The following LRRC38 variants were observed in gnomAD, a reference collection of about 807,000 sequenced individuals.
LRRC38 encodes the protein leucine-rich repeat-containing protein 38.
A neutral mutation model predicts 16.4 loss-of-function variants in LRRC38; 5 were observed. The observed-to-expected ratio is 0.31, with a 90% CI of 0.16 to 0.64. The LOEUF is 0.64. Among genes scored for constraint, LRRC38 ranks in the 30% least tolerant of loss-of-function variants. LRRC38 has a pLI of 0.80. For synonymous variants in LRRC38, 191 were observed against 190.2 expected (o/e 1.00, Z -0.04); for missense variants, 341 against 401.8 (o/e 0.85, Z 1.29).
Position 13,513,035 on chromosome 1 carries a change from G to C in LRRC38, c.559C>G (p.Pro187Ala). ...ALRSLRLDGNPWLCDCDFAHL... is the reference protein window; with the variant it reads ...ALRSLRLDGNAWLCDCDFAHL... ...GCGAAGTCACAGTCGCACAGCCAGG[G>C]GTTCCCGTCCAGACGCAGGGAGCGC... The change falls in exon 1 of 2, where the codon CCC becomes GCC. Residue 187 changes from proline to alanine, a missense_variant. Physicochemically the swap from Pro to Ala is conservative, Grantham distance 27. Transcript: ENST00000376085. The C allele has an allele frequency of 6.5e-7, 1 of 1,549,862 alleles. No homozygotes were observed. Among genetic ancestry groups the C allele is most frequent in the South Asian group, 1.2e-5 (1 of 83,970 alleles).
intron 1 of LRRC38, 50 bp downstream of exon 1, chr1:13,512,913 C>T (rs2100531189): frequency 7.2e-7 from 1 of 1,386,474 alleles, no homozygotes; most frequent in Non-Finnish European, 9.8e-7. Context: ...CTGGGGTGGC[C>T]TCTCCCTGCC....
intron 1 of LRRC38, among the ~76,000 whole-genome samples, chr1:13,501,429 G>A (rs1388805389): frequency 6.6e-6 from 1 of 151,952 alleles, no homozygotes; most frequent in Non-Finnish European, 1.5e-5. Flanking sequence ...TTTATTTTGA[G>A]ACGGAATCTC....
At chr1:13,504,890 G>A (rs75661221) in intron 1 of LRRC38, among the ~76,000 whole-genome samples, 5,454 of 151,848 alleles carry the variant, frequency 0.036, 153 homozygotes, top group East Asian at 0.13. Context: ...GAGAAACAAA[G>A]AAAGAAAAAA....
intron 1 of LRRC38, among the ~76,000 whole-genome samples, chr1:13,482,035 T>G (rs1638876163): frequency 6.6e-6 from 1 of 152,190 alleles, no homozygotes; most frequent in South Asian, 2.1e-4. Context: ...GACAGGCCTA[T>G]TTTTAGTCAA....
At position 13,513,740 on chromosome 1, in the gene LRRC38, G is replaced by C; in HGVS notation, c.-147C>G. 1 of 245,714 alleles carries C rather than the reference G, an allele frequency of 4.1e-6. No homozygotes were observed. The highest frequency in any genetic ancestry group is 6.5e-6 in the Non-Finnish European group (1 of 153,452). 15.2% of individuals were successfully genotyped at this position (245,714 alleles called of 1,614,324 possible). ...GGGAGGGCGTGCGCCCGGGCGTGCG[G>C]GGGCGATGGAGCGCGGCGCGGACGG... is the stretch of plus-strand genomic sequence containing the variant. On this transcript the variant is annotated 5_prime_UTR_variant, in exon 1 of 2. Coordinates refer to ENST00000376085, the MANE Select transcript of LRRC38 (RefSeq NM_001010847.2).
chr1:13,512,586 A>C (rs1639285362), intron 1 of LRRC38, among the ~76,000 whole-genome samples: 1 of 152,144 alleles, frequency 6.6e-6, no homozygotes, highest in East Asian at 1.9e-4. Flanking sequence ...CGGTACTGAG[A>C]ATACGGCCGT....
At chr1:13,492,964 TC>T (rs1639035029) in intron 1 of LRRC38, among the ~76,000 whole-genome samples, 1 of 152,172 alleles carries the variant, frequency 6.6e-6, no homozygotes, top group Non-Finnish European at 1.5e-5. Context: ...TCTTGGGAGT[TC>T]CCTGGGGGCC....
intron 1 of LRRC38, among the ~76,000 whole-genome samples, chr1:13,498,044 T>C (rs1009649659): frequency 9.9e-5 from 15 of 152,050 alleles, no homozygotes; most frequent in Non-Finnish European, 2.2e-4. Context: ...TCTGCTCATT[T>C]TTCTGTTTTA....
intron 1 of LRRC38, among the ~76,000 whole-genome samples, chr1:13,504,152 G>A (rs1639182335): frequency 1.3e-5 from 2 of 152,288 alleles, no homozygotes; most frequent in South Asian, 2.1e-4. Flanking sequence ...TTCTATACGT[G>A]GTGATGGAGG....
At chr1:13,494,216 C>T (rs775082946) in intron 1 of LRRC38, among the ~76,000 whole-genome samples, 11 of 152,136 alleles carry the variant, frequency 7.2e-5, no homozygotes, top group South Asian at 2.1e-4. Flanking sequence ...GTGACAGAGC[C>T]GAGCCCGGGA....
rs1444062233 is a variant in LRRC38, at chr1:13,502,236, C to T, written c.631+10727G>A. Among the ~76,000 whole-genome samples, 4 of 151,860 alleles carry T rather than the reference C, an allele frequency of 2.6e-5. No homozygotes were observed. The East Asian group carries it at 5.8e-4, about 22-fold the overall frequency. On this transcript the variant is annotated intron_variant, in intron 1 of 1. Transcript: ENST00000376085. ...GATTACAAGTGTGAGCCACCGCACC[C>T]GGCCAAAGTCTATTGATTATTTAAT...
intron 1 of LRRC38, among the ~76,000 whole-genome samples, chr1:13,504,804 GAGAA>G (rs1639191870): frequency 6.9e-6 from 1 of 143,960 alleles, no homozygotes; most frequent in Non-Finnish European, 1.5e-5. Flanking sequence ...AAGAGACAGA[GAGAA>G]AGAAAGAGAA....
intron 1 of LRRC38, among the ~76,000 whole-genome samples, chr1:13,505,552 C>T (rs572191847): frequency 2.0e-5 from 3 of 152,300 alleles, no homozygotes; most frequent in African/African-American, 7.2e-5. Flanking sequence ...TGAGACCCTC[C>T]TAGTCTCCTA....
intron 1 of LRRC38, among the ~76,000 whole-genome samples, chr1:13,496,277 T>G (rs1383248264): frequency 6.6e-6 from 1 of 152,146 alleles, no homozygotes; most frequent in African/African-American, 2.4e-5. Flanking sequence ...CAAGTGATCC[T>G]CTTGCCTCAG....
intron 1 of LRRC38, among the ~76,000 whole-genome samples, chr1:13,508,583 A>C (rs1244326960): frequency 1.3e-5 from 2 of 152,232 alleles, no homozygotes; most frequent in Non-Finnish European, 2.9e-5. Flanking sequence ...AATATAGCAA[A>C]ACTTTCATAG....
intron 1 of LRRC38, among the ~76,000 whole-genome samples, chr1:13,477,501 G>A (rs980088386): frequency 1.3e-5 from 2 of 152,168 alleles, no homozygotes; most frequent in Non-Finnish European, 2.9e-5. Flanking sequence ...AAAAGGATGA[G>A]CTGAAACTAG....
chr1:13,511,033 C>G (rs1428462453), intron 1 of LRRC38, among the ~76,000 whole-genome samples: 1 of 152,200 alleles, frequency 6.6e-6, no homozygotes, highest in African/African-American at 2.4e-5. Flanking sequence ...CGTCCTCTCC[C>G]TACTGGCTGA....
At chr1:13,512,623 T>C (rs1639285895) in intron 1 of LRRC38, among the ~76,000 whole-genome samples, 1 of 151,956 alleles carries the variant, frequency 6.6e-6, no homozygotes, top group Admixed American at 6.6e-5. Flanking sequence ...TGCATTCCGC[T>C]TACCAGGGAC....
chr1:13,510,053 G>T (rs111665452), intron 1 of LRRC38, among the ~76,000 whole-genome samples: 21 of 152,244 alleles, frequency 1.4e-4, no homozygotes, highest in Admixed American at 1.2e-3. Flanking sequence ...GAAACACCAC[G>T]GTGCTCCCCA....
Sources: allele counts gnomAD v4.1 joint callset (sites outside exome capture counted in the v4.1 genomes callset), GRCh38; gene constraint gnomAD v4.1.1; transcripts MANE v1.5; gene names NCBI Gene and HGNC (gene_info 2026-07-23, HGNC 2026-07-21).